RFX2: variants seen among roughly 807,000 people sequenced by gnomAD.
The protein encoded by RFX2 is DNA-binding protein RFX2.
A neutral mutation model predicts 87.8 loss-of-function variants in RFX2; 20 were observed. The observed-to-expected ratio is 0.23, with a 90% CI of 0.16 to 0.33. The LOEUF (loss-of-function observed/expected upper bound fraction) is 0.33. Ranked by LOEUF, RFX2 falls within the 10% of genes least tolerant of loss-of-function variation. RFX2 has a pLI of 1.00. For missense variants in RFX2, 767 were observed against 1,012.3 expected (o/e 0.76, Z 3.29); for synonymous variants, 397 against 431.3 (o/e 0.92, Z 0.98).
chr19:6,014,728 G>C (rs972067389), intron 7 of RFX2, among the ~76,000 whole-genome samples: 3 of 152,168 alleles, frequency 2.0e-5, no homozygotes, highest in Admixed American at 6.5e-5. Context: ...CAGAGACCAG[G>C]CTTCCCTGTG....
At chr19:5,995,478 C>T (rs1227060537) in intron 17 of RFX2, 123 bp downstream of exon 17, 1 of 952,164 alleles carries the variant, frequency 1.1e-6, no homozygotes, top group Non-Finnish European at 1.6e-6. Context: ...ATCCCAGGGC[C>T]CTCACCCCCC....
At chr19:6,062,751 T>C (rs1208034496) in intron 1 of RFX2, among the ~76,000 whole-genome samples, 1 of 152,216 alleles carries the variant, frequency 6.6e-6, no homozygotes, top group African/African-American at 2.4e-5. Context: ...TCCAGCCCTC[T>C]GTGGTTCCAG....
Position 6,002,744 on chromosome 19 carries a change from G to A in RFX2, c.1627C>T (p.Arg543Cys), listed in dbSNP as rs1489154540. The change falls in exon 14 of 18, where the codon CGC (arginine) becomes TGC (cysteine). Residue 543 changes from arginine to cysteine, a missense_variant. By Grantham distance (180) the Arg-to-Cys change is radical. Transcript: ENST00000303657. This position sits in a 1 kb window ranked among gnomAD's most constrained non-coding sequence, Gnocchi z 6.7. ...ACCTGCACGTTGGCAAAGTCCACGC[G>A]GTTGAGGTCGCTGAGCATCTGGTTG... ...QINQMLSDLNRVDFANVQEQA... is the reference protein window; with the variant it reads ...QINQMLSDLNCVDFANVQEQA... The A allele has an allele frequency of 2.5e-6, 4 of 1,613,766 alleles. No homozygotes were observed. The highest frequency in any genetic ancestry group is 2.2e-5 in the East Asian group (1 of 44,898).
chr19:6,089,286 G>T (rs2087899519), intron 1 of RFX2, among the ~76,000 whole-genome samples: 1 of 152,216 alleles, frequency 6.6e-6, no homozygotes, highest in Non-Finnish European at 1.5e-5. Flanking sequence ...TGGGGGTGAA[G>T]ACCAACACTC....
chr19:6,047,074 T>A lies in RFX2; in HGVS notation c.90+333A>T, dbSNP rs966737803. ...AGCCACTGCACCCGGCCTTACTTCT[T>A]AATTCTTAATAAAGCATTTCTGTGT... is the stretch of plus-strand genomic sequence containing the variant. On this transcript the variant is annotated intron_variant, in intron 2 of 17. Coordinates refer to ENST00000303657, the MANE Select transcript of RFX2 (RefSeq NM_000635.4). This position sits in a 1 kb window ranked among gnomAD's most constrained non-coding sequence, Gnocchi z 4.2. Among the ~76,000 whole-genome samples, 5 of 152,096 alleles carry A rather than the reference T, an allele frequency of 3.3e-5. No individual in the cohort carries two copies. Among genetic ancestry groups the A allele is most frequent in the Admixed American group, 2.6e-4 (4 of 15,262 alleles).
Position 6,044,329 on chromosome 19 carries a change from T to G in RFX2, c.91-47A>C, listed in dbSNP as rs1030527043. 2 of 1,192,562 alleles carry G rather than the reference T, an allele frequency of 1.7e-6. No individual in the cohort carries two copies. Among genetic ancestry groups the G allele is most frequent in the African/African-American group, 3.2e-5 (2 of 63,342 alleles). 73.9% of individuals were successfully genotyped at this position (1,192,562 alleles called of 1,614,324 possible). On this transcript the variant is annotated intron_variant, in intron 2 of 17. Coordinates refer to ENST00000303657, the MANE Select transcript of RFX2 (RefSeq NM_000635.4). This position sits in a 1 kb window ranked among gnomAD's most constrained non-coding sequence, Gnocchi z 5.3. ...GCCAGTTAGACTTGTCAGAGGTCAG[T>G]GCTGAGGATACACACAGAATGTAAG... is the stretch of plus-strand genomic sequence containing the variant.
At position 5,997,610 on chromosome 19, in the gene RFX2, T is replaced by A. The variant is rs886540562; in HGVS notation, c.1860-397A>T. Among the ~76,000 whole-genome samples, 2 of 152,120 alleles carry A rather than the reference T, an allele frequency of 1.3e-5. No individual in the cohort carries two copies. The highest frequency in any genetic ancestry group is 4.8e-5 in the African/African-American group (2 of 41,416). On this transcript the variant is annotated intron_variant, in intron 15 of 17. Transcript: ENST00000303657. The surrounding 1 kb of genome is among the most constrained non-coding windows in gnomAD (Gnocchi z 4.2). ...CACAGGCTGGCAGCTGGTGCCTGTC[T>A]CCCCAGCAGGAGGCGCCTTTCCCCA...
In RFX2 at chr19:6,010,857, C is replaced by T. The variant is rs189196057; in HGVS notation, c.900-606G>A. On this transcript the variant is annotated intron_variant, in intron 8 of 17. Transcript: ENST00000303657. The surrounding 1 kb of genome is among the most constrained non-coding windows in gnomAD (Gnocchi z 5.0). ...CTTGGCCGGGCGCAGGGGCTCACGCCTGTAATCCCAGTGCTTTGGGAGGCC... is the reference window on the plus strand; with the variant it reads ...CTTGGCCGGGCGCAGGGGCTCACGCTTGTAATCCCAGTGCTTTGGGAGGCC... Among the ~76,000 whole-genome samples, 245 of 152,336 alleles carry T rather than the reference C, an allele frequency of 1.6e-3. 1 individual carries two copies. Among genetic ancestry groups the T allele is most frequent in the African/African-American group, 5.7e-3 (235 of 41,560 alleles).
At position 6,050,838 on chromosome 19, in the gene RFX2, A is replaced by C. The variant is rs967118589; in HGVS notation, c.-8-3334T>G. On this transcript the variant is annotated intron_variant, in intron 1 of 17. Coordinates refer to ENST00000303657, the MANE Select transcript of RFX2 (RefSeq NM_000635.4). The surrounding 1 kb of genome is among the most constrained non-coding windows in gnomAD (Gnocchi z 4.6). ...CCAAAAATCTCAACAAACCCTAAAA[A>C]GAATACAAAGAAAGCCAAGATAGGT... 3.9e-5 allele frequency among the ~76,000 whole-genome samples: 6 copies of C among 152,208 alleles called. No individual in the cohort carries two copies. The highest frequency in any genetic ancestry group is 8.8e-5 in the Non-Finnish European group (6 of 68,042).
Position 6,024,716 on chromosome 19 carries a change from A to G in RFX2, c.597+1447T>C, listed in dbSNP as rs554012205. Among the ~76,000 whole-genome samples the G allele has an allele frequency of 8.7e-5, 13 of 150,096 alleles. No individual in the cohort carries two copies. Among genetic ancestry groups the G allele is most frequent in the Middle Eastern group, 6.9e-3 (2 of 288 alleles). Reference sequence around the variant, plus strand: ...AGCACAGAAGTCAGGATGGAATCACAGTGAGGACGGGAGTGAGGACGGGAT... The same window carrying G: ...AGCACAGAAGTCAGGATGGAATCACGGTGAGGACGGGAGTGAGGACGGGAT... On this transcript the variant is annotated intron_variant, in intron 6 of 17. Coordinates refer to ENST00000303657, the MANE Select transcript of RFX2 (RefSeq NM_000635.4). This position sits in a 1 kb window ranked among gnomAD's most constrained non-coding sequence, Gnocchi z 5.0.
At chr19:6,072,380 C>T (rs1053750467) in intron 1 of RFX2, among the ~76,000 whole-genome samples, 1 of 152,148 alleles carries the variant, frequency 6.6e-6, no homozygotes, top group African/African-American at 2.4e-5. Flanking sequence ...TCTTGGAAAG[C>T]ATGTTTCACT....
chr19:6,024,381 C>T lies in RFX2; in HGVS notation c.597+1782G>A, dbSNP rs1381990774. ...CAGGGAGGATGTCATCCAGCAGTGA[C>T]AGATGACAGGATGACCATGTCCTAC... is the stretch of plus-strand genomic sequence containing the variant. On this transcript the variant is annotated intron_variant, in intron 6 of 17. Transcript: ENST00000303657. The surrounding 1 kb of genome is among the most constrained non-coding windows in gnomAD (Gnocchi z 5.0). 6.6e-6 allele frequency among the ~76,000 whole-genome samples: 1 copy of T among 152,224 alleles called. No homozygotes were observed. Among genetic ancestry groups the T allele is most frequent in the Non-Finnish European group, 1.5e-5 (1 of 68,032 alleles).
At position 6,061,132 on chromosome 19, in the gene RFX2, C is replaced by T. The variant is rs1009509234; in HGVS notation, c.-8-13628G>A. On this transcript the variant is annotated intron_variant, in intron 1 of 17. Transcript: ENST00000303657. This position sits in a 1 kb window ranked among gnomAD's most constrained non-coding sequence, Gnocchi z 5.2. ...CACCTGATACCATCTCTGCCTCCCC[C>T]TTCCTTCCGCTCCTGCTGCTACTAT... Among the ~76,000 whole-genome samples the T allele has an allele frequency of 5.9e-5, 9 of 152,186 alleles. No individual in the cohort carries two copies. The highest frequency in any genetic ancestry group is 2.2e-4 in the African/African-American group (9 of 41,442).
intron 1 of RFX2, among the ~76,000 whole-genome samples, chr19:6,108,316 G>T (rs2088252431): frequency 6.6e-6 from 1 of 152,166 alleles, no homozygotes; most frequent in Non-Finnish European, 1.5e-5. Context: ...TTTAGAGTCA[G>T]TTCAAGTCTT....
At chr19:6,075,551 C>T (rs2087680154) in intron 1 of RFX2, among the ~76,000 whole-genome samples, 1 of 152,124 alleles carries the variant, frequency 6.6e-6, no homozygotes, top group Non-Finnish European at 1.5e-5. Context: ...ACGGGTTTGA[C>T]ATAAAGGGTG....
chr19:6,048,673 G>C (rs79135336), intron 1 of RFX2, among the ~76,000 whole-genome samples: 1 of 152,200 alleles, frequency 6.6e-6, no homozygotes, highest in East Asian at 1.9e-4. Context: ...GAACTTTTAC[G>C]TTTCTCTATC....
In RFX2 at chr19:5,997,314, C is replaced by T. The variant is rs886475933; in HGVS notation, c.1860-101G>A. ...GCAACACACCCCCTGCTCTACGTTCCCTGGGGAACCCAGAGGCTGAGTGAT... is the reference window on the plus strand; with the variant it reads ...GCAACACACCCCCTGCTCTACGTTCTCTGGGGAACCCAGAGGCTGAGTGAT... On this transcript the variant is annotated intron_variant, in intron 15 of 17. Coordinates refer to ENST00000303657, the MANE Select transcript of RFX2 (RefSeq NM_000635.4). The surrounding 1 kb of genome is among the most constrained non-coding windows in gnomAD (Gnocchi z 4.2). 5.2e-5 allele frequency: 67 copies of T among 1,297,960 alleles called. No individual in the cohort carries two copies. Among genetic ancestry groups the T allele is most frequent in the Non-Finnish European group, 6.9e-5 (67 of 970,018 alleles). The allele number at this position is 1,297,960 out of a possible 1,614,324, so 80.4% of individuals were successfully genotyped here.
chr19:6,028,699 C>A (rs546328737), intron 5 of RFX2, among the ~76,000 whole-genome samples: 1 of 151,230 alleles, frequency 6.6e-6, no homozygotes, highest in South Asian at 2.1e-4. Context: ...AACAGGTGAA[C>A]CCTTAATTAA....
At chr19:6,036,498 A>G (rs1383169451) in intron 5 of RFX2, among the ~76,000 whole-genome samples, 1 of 152,210 alleles carries the variant, frequency 6.6e-6, no homozygotes, top group Non-Finnish European at 1.5e-5. Context: ...CCAAAAACAA[A>G]CAAACAAAAA....
Sources: allele counts gnomAD v4.1 joint callset (sites outside exome capture counted in the v4.1 genomes callset), GRCh38; gene constraint gnomAD v4.1.1; non-coding constraint Gnocchi (gnomAD v3.1); transcripts MANE v1.5; gene names NCBI Gene and HGNC (gene_info 2026-07-23, HGNC 2026-07-21).